The following MAPK10 variants were observed in gnomAD, a reference collection of about 807,000 sequenced individuals.
The protein encoded by MAPK10 is mitogen-activated protein kinase 10.
In MAPK10, 25 loss-of-function variants were observed where a neutral mutation model predicts 59.3. The ratio of observed to expected loss-of-function variants is 0.42; its 90% CI spans 0.31 to 0.59. The LOEUF is 0.59. Among genes scored for constraint, MAPK10 ranks in the 20% least tolerant of loss-of-function variants. The pLI, the probability that MAPK10 is intolerant of heterozygous loss-of-function variation, is 0.15. For synonymous variants in MAPK10, 190 were observed against 200.5 expected, an observed-to-expected ratio of 0.95 and a Z score of 0.44; for missense variants, 351 against 568.9, an observed-to-expected ratio of 0.62 and a Z score of 3.90.
intron 1 of MAPK10, among the ~76,000 whole-genome samples, chr4:86,476,721 A>T (rs976850380): frequency 6.6e-6 from 1 of 152,218 alleles, no homozygotes; most frequent in African/African-American, 2.4e-5. Flanking sequence ...GCAGCCAAGT[A>T]GCAATGTATT....
chr4:86,318,478 T>G (rs982733158), intron 2 of MAPK10, among the ~76,000 whole-genome samples: 1 of 152,184 alleles, frequency 6.6e-6, no homozygotes, highest in Non-Finnish European at 1.5e-5. Context: ...TCTTGCCCCA[T>G]GCGTTTTAAA....
chr4:86,534,590 A>G (rs1458105101), intron 1 of MAPK10, among the ~76,000 whole-genome samples: 1 of 152,138 alleles, frequency 6.6e-6, no homozygotes, highest in African/African-American at 2.4e-5. Context: ...TATCATTACA[A>G]TCTTTCTGTA....
At chr4:86,387,545 C>T (rs980166765) in intron 1 of MAPK10, among the ~76,000 whole-genome samples, 1 of 152,216 alleles carries the variant, frequency 6.6e-6, no homozygotes, top group African/African-American at 2.4e-5. Flanking sequence ...CAGGCTTGGA[C>T]TGGAGCAAGT....
chr4:86,509,411 G>T (rs1383186571), intron 1 of MAPK10, among the ~76,000 whole-genome samples: 1 of 150,924 alleles, frequency 6.6e-6, no homozygotes, highest in Non-Finnish European at 1.5e-5. Context: ...GGTATCTCTG[G>T]CATAAAAATT....
chr4:86,334,257 C>G (rs1482446949), intron 2 of MAPK10, among the ~76,000 whole-genome samples: 1 of 152,134 alleles, frequency 6.6e-6, no homozygotes, highest in Non-Finnish European at 1.5e-5. Context: ...GCAAACGAGT[C>G]CTGCAGATTC....
intron 2 of MAPK10, among the ~76,000 whole-genome samples, chr4:86,221,896 C>T (rs2089718191): frequency 6.6e-6 from 1 of 152,122 alleles, no homozygotes; most frequent in African/African-American, 2.4e-5. Context: ...TAGCACCATC[C>T]CCTCAGCACT....
upstream of MAPK10, among the ~76,000 whole-genome samples, chr4:86,364,545 A>T (rs1043916226): frequency 6.6e-6 from 1 of 152,010 alleles, no homozygotes; most frequent in African/African-American, 2.4e-5. Flanking sequence ...TACTCATTTC[A>T]ATTATATTTA....
chr4:86,457,483 C>T (rs1012411239), upstream of MAPK10, among the ~76,000 whole-genome samples: 2 of 152,160 alleles, frequency 1.3e-5, no homozygotes, highest in African/African-American at 4.8e-5. Flanking sequence ...AATCAACATA[C>T]ACAAATCAAT....
intron 1 of MAPK10, among the ~76,000 whole-genome samples, chr4:86,462,717 T>C (rs549306648): frequency 3.3e-5 from 5 of 152,298 alleles, no homozygotes; most frequent in African/African-American, 1.2e-4. Context: ...TCTGTACCTA[T>C]AAATTTATGG....
At chr4:86,459,871 T>C (rs1189739871) in intron 1 of MAPK10, among the ~76,000 whole-genome samples, 1 of 152,016 alleles carries the variant, frequency 6.6e-6, no homozygotes, top group African/African-American at 2.4e-5. Context: ...CCGAAGAACT[T>C]ACTCATGTAA....
At chr4:86,537,831 T>A (rs1165970618) in intron 1 of MAPK10, among the ~76,000 whole-genome samples, 1 of 152,222 alleles carries the variant, frequency 6.6e-6, no homozygotes, top group Admixed American at 6.5e-5. Flanking sequence ...AATTTTAATA[T>A]GGTTGAATTT....
chr4:86,460,813 C>T (rs943453701), intron 1 of MAPK10, among the ~76,000 whole-genome samples: 11 of 152,186 alleles, frequency 7.2e-5, no homozygotes, highest in African/African-American at 1.9e-4. Context: ...TCTTTGTTTC[C>T]GGTAAGGAAT....
intron 1 of MAPK10, among the ~76,000 whole-genome samples, chr4:86,447,656 T>C (rs1274881863): frequency 3.3e-5 from 5 of 150,984 alleles, no homozygotes; most frequent in Non-Finnish European, 7.4e-5. Flanking sequence ...ACACTGGTGC[T>C]TTTTTTTTCT....
chr4:86,391,369 C>A (rs184352180), intron 1 of MAPK10, among the ~76,000 whole-genome samples: 8 of 152,278 alleles, frequency 5.3e-5, no homozygotes, highest in Non-Finnish European at 1.0e-4. Flanking sequence ...TAGATTTTTA[C>A]CTTGTGGTCA....
intron 3 of MAPK10, among the ~76,000 whole-genome samples, chr4:86,174,740 T>C (rs796804369): frequency 8.5e-5 from 13 of 152,274 alleles, no homozygotes; most frequent in African/African-American, 2.2e-4. Flanking sequence ...CTCACCTGAA[T>C]TGGAATTTGA....
intron 2 of MAPK10, among the ~76,000 whole-genome samples, chr4:86,209,779 T>TA (rs58126291): frequency 0.33 from 49,884 of 151,842 alleles, 11,141 homozygotes; most frequent in African/African-American, 0.64. Context: ...AAAACAATCC[T>TA]AAATGTATAT....
intron 9 of MAPK10, among the ~76,000 whole-genome samples, chr4:86,084,834 C>T (rs1171158991): frequency 6.6e-6 from 1 of 152,136 alleles, no homozygotes. Flanking sequence ...AATCACATTA[C>T]CTGACTTCAA....
At chr4:86,295,563 A>G (rs777885064) in intron 2 of MAPK10, among the ~76,000 whole-genome samples, 5 of 152,056 alleles carry the variant, frequency 3.3e-5, no homozygotes, top group African/African-American at 7.2e-5. Flanking sequence ...CACATAATAA[A>G]TGCTTAAAGA....
At chr4:86,331,206 G>A (rs528698600) in intron 2 of MAPK10, among the ~76,000 whole-genome samples, 1 of 152,248 alleles carries the variant, frequency 6.6e-6, no homozygotes, top group Admixed American at 6.5e-5. Context: ...CACCAGGAAA[G>A]TTCTTAAAGC....
Sources: allele counts gnomAD v4.1 joint callset (sites outside exome capture counted in the v4.1 genomes callset), GRCh38; gene constraint gnomAD v4.1.1; transcripts MANE v1.5; gene names NCBI Gene and HGNC (gene_info 2026-07-23, HGNC 2026-07-21).